Variants in ITPA observed in about 807,000 individuals in gnomAD.
ITPA encodes inosine triphosphate pyrophosphatase.
ITPA carries 29 observed loss-of-function variants against 29.6 expected under a neutral mutation model. The observed-to-expected ratio is 0.98, with a 90% CI of 0.73 to 1.34. The LOEUF is 1.34. Among genes scored for constraint, ITPA ranks in the 40% most tolerant of loss-of-function variants. The probability of loss-of-function intolerance (pLI) is 0.00; values close to 1 mark genes in which losing one functional copy is unlikely to be tolerated. For missense variants in ITPA, 241 were observed against 251.5 expected, an observed-to-expected ratio of 0.96 and a Z score of 0.28; for synonymous variants, 103 against 99.3, an observed-to-expected ratio of 1.04 and a Z score of -0.22.
intron 5 of ITPA, among the ~76,000 whole-genome samples, chr20:3,217,772 G>A (rs1336746576): frequency 1.3e-5 from 2 of 152,014 alleles, no homozygotes; most frequent in African/African-American, 4.8e-5. Context: ...TGCAGCCACT[G>A]TATTTCTAAA....
downstream of ITPA, among the ~76,000 whole-genome samples, chr20:3,227,239 AG>A (rs994887165): frequency 3.0e-3 from 454 of 152,338 alleles, 2 homozygotes; most frequent in African/African-American, 0.01. Flanking sequence ...GGCCATGCGA[AG>A]GCCTCCTGGA....
At chr20:3,204,636 C>A, upstream of ITPA, 5 of 1,574,414 alleles carry the variant, frequency 3.2e-6, no homozygotes, top group Non-Finnish European at 4.3e-6. Flanking sequence ...ATGACGAGGG[C>A]CTCAGTGCAG....
intron 6 of ITPA, 142 bp from the exon 7 acceptor site, chr20:3,221,698 TG>T: frequency 1.4e-6 from 1 of 731,102 alleles, no homozygotes; most frequent in Non-Finnish European, 2.5e-6. Flanking sequence ...CATTTGCAGG[TG>T]CTGTAGGGGC....
At chr20:3,207,022 T>A (rs868466518), upstream of ITPA, among the ~76,000 whole-genome samples, 9 of 151,586 alleles carry the variant, frequency 5.9e-5, no homozygotes, top group Non-Finnish European at 7.4e-5. Flanking sequence ...TCAAAAAAAA[T>A]AAATAAATAA....
intron 4 of ITPA, 41 bp downstream of exon 4, chr20:3,214,099 A>C (rs1271756275): frequency 6.4e-7 from 1 of 1,573,322 alleles, no homozygotes; most frequent in East Asian, 2.2e-5. Flanking sequence ...CGTCAGGCCC[A>C]AAACCACCAG....
chr20:3,211,425 G>A (rs1417220164), intron 1 of ITPA, among the ~76,000 whole-genome samples: 1 of 151,866 alleles, frequency 6.6e-6, no homozygotes, highest in African/African-American at 2.4e-5. Flanking sequence ...CACCCATTTC[G>A]GCCTTTCAAA....
rs149405703 is a variant in ITPA, at chr20:3,220,370, C to T, written c.412-1471C>T. On this transcript the variant is annotated intron_variant, in intron 6 of 7. Coordinates refer to ENST00000380113, the MANE Select transcript of ITPA (RefSeq NM_033453.4). ...AAGCAATTCTCCTGCCTCAGCCTGC[C>T]GAGTAGCTGGGATTATAGGCGTGAG... Among the ~76,000 whole-genome samples, 143 of 152,170 alleles carry T rather than the reference C, an allele frequency of 9.4e-4. No homozygotes were observed. The Middle Eastern group carries it at 0.01, about 11-fold the overall frequency.
rs1320704226 is a variant in ITPA, at chr20:3,209,548, C to T, written c.-4C>T. 1.2e-6 allele frequency: 2 copies of T among 1,613,794 alleles called. No individual in the cohort carries two copies. Among genetic ancestry groups the T allele is most frequent in the African/African-American group, 1.3e-5 (1 of 74,906 alleles). ...GTGGCTCAGCTGGGTAACCGGGGAT[C>T]ACCATGGCGGCCTCATTGGTGGGGA... On this transcript the variant is annotated 5_prime_UTR_variant, in exon 1 of 8. Transcript: ENST00000380113. The surrounding 1 kb of genome is among the most constrained non-coding windows in gnomAD (Gnocchi z 4.6).
intron 1 of ITPA, among the ~76,000 whole-genome samples, chr20:3,212,609 C>T (rs898926561): frequency 6.6e-6 from 1 of 152,116 alleles, no homozygotes; most frequent in Non-Finnish European, 1.5e-5. Context: ...GCGTGAGCCA[C>T]AGGACCCAGC....
At chr20:3,227,293 T>C (rs930645594), downstream of ITPA, 60 of 208,150 alleles carry the variant, frequency 2.9e-4, no homozygotes, top group African/African-American at 1.3e-3. Context: ...CTGTGCGACG[T>C]TGGAGGTGAC....
At chr20:3,205,068 T>C (rs779450772), upstream of ITPA, among the ~76,000 whole-genome samples, 2 of 152,122 alleles carry the variant, frequency 1.3e-5, no homozygotes, top group Non-Finnish European at 2.9e-5. Context: ...GCCAGGCTGG[T>C]CTCGAACTCC....
chr20:3,207,844 A>G (rs1385724227), upstream of ITPA, among the ~76,000 whole-genome samples: 1 of 150,924 alleles, frequency 6.6e-6, no homozygotes, highest in African/African-American at 2.4e-5. Context: ...AAAATGCAGA[A>G]ATTAGCTGGG....
intron 1 of ITPA, among the ~76,000 whole-genome samples, chr20:3,212,863 T>C (rs2067204708): frequency 6.6e-6 from 1 of 152,148 alleles, no homozygotes; most frequent in Admixed American, 6.6e-5. Context: ...TATCTTCTGT[T>C]AGAGAATTCC....
Position 3,223,447 on chromosome 20 carries a change from C to T in ITPA, c.570C>T (p.Gly190=), listed in dbSNP as rs1177613426. 3.1e-6 allele frequency: 5 copies of T among 1,612,680 alleles called. No individual in the cohort carries two copies. Among genetic ancestry groups the T allele is most frequent in the Non-Finnish European group, 4.2e-6 (5 of 1,179,478 alleles). Residue 190 remains glycine (G), a synonymous_variant, in exon 8 of 8, where the codon GGC becomes GGT. Transcript: ENST00000380113. ...TGCTGGAGCTGCAGGAGTACTTTGG[C>T]AGTTTGGCAGCTTGACTTCTGCAGC... ...RALLELQEYF[G]SLAA is the part of the protein sequence containing the mutation.
chr20:3,224,647 G>A (rs1387815385), downstream of ITPA, among the ~76,000 whole-genome samples: 2 of 152,230 alleles, frequency 1.3e-5, no homozygotes, highest in Non-Finnish European at 2.9e-5. Context: ...GAGATGTCTG[G>A]CTGGGCCTCA....
At position 3,213,028 on chromosome 20, in the gene ITPA, G is replaced by A. The variant is rs75402132; in HGVS notation, c.67-141G>A. On this transcript the variant is annotated intron_variant, in intron 1 of 7. Coordinates refer to ENST00000380113, the MANE Select transcript of ITPA (RefSeq NM_033453.4). ...TTGCTGGGGTGGGACCCTGAAAGCC[G>A]GGGTGAGGCCCACAGGCCTGAGTTG... is the stretch of plus-strand genomic sequence containing the variant. The A allele has an allele frequency of 0.11, 92,222 of 853,746 alleles. 5,806 individuals are homozygous for A. The highest frequency in any genetic ancestry group is 0.19 in the African/African-American group (11,491 of 59,714). 52.9% of individuals were successfully genotyped at this position (853,746 alleles called of 1,614,324 possible). A position where few individuals can be genotyped will look rare whatever the true frequency, so the allele number is the denominator to read the frequency against.
At chr20:3,206,769 T>G (rs2067073246), upstream of ITPA, among the ~76,000 whole-genome samples, 1 of 150,702 alleles carries the variant, frequency 6.6e-6, no homozygotes, top group African/African-American at 2.4e-5. Context: ...AGGCGGAGCT[T>G]GCAGTGAGCT....
upstream of ITPA, among the ~76,000 whole-genome samples, chr20:3,206,411 A>AAG: frequency 1.4e-5 from 2 of 147,180 alleles, no homozygotes; most frequent in South Asian, 4.3e-4. Flanking sequence ...AAAAAAAAAA[A>AAG]GCTGGGCACC....
chr20:3,206,035 GAC>G (rs1195012691), upstream of ITPA, among the ~76,000 whole-genome samples: 1 of 136,712 alleles, frequency 7.3e-6, no homozygotes, highest in Non-Finnish European at 1.5e-5. Flanking sequence ...CAGCCTGAGC[GAC>G]AGAGCAAGAC....
Sources: gnomAD v4.1 joint callset for allele counts (sites outside exome capture counted in the v4.1 genomes callset) on GRCh38, gnomAD v4.1.1 for gene constraint, Gnocchi (gnomAD v3.1) non-coding constraint, MANE v1.5 for transcripts, NCBI Gene and HGNC (gene_info 2026-07-23, HGNC 2026-07-21) for gene names.